The following POLQ variants were observed in gnomAD, a reference collection of about 807,000 sequenced individuals.
POLQ encodes epididymis secretory sperm binding protein.
Under a neutral mutation model 259.2 loss-of-function variants are expected in POLQ, and 233 were observed. That is an observed-to-expected ratio of 0.90 (90% CI 0.81 to 1.00). The LOEUF is 1.00. Among genes scored for constraint, POLQ ranks in the 50% least tolerant of loss-of-function variants. The pLI is 0.00. For synonymous variants in POLQ, 1,025 were observed against 1,048.8 expected (o/e 0.98, Z 0.44); for missense variants, 2,871 against 3,051.6 (o/e 0.94, Z 1.39).
intron 9 of POLQ, among the ~76,000 whole-genome samples, chr3:121,514,226 G>T (rs1399984361): frequency 2.0e-5 from 3 of 150,548 alleles, no homozygotes; most frequent in African/African-American, 4.9e-5. Context: ...TACTTGGGAG[G>T]CTGAGGCAAG....
intron 18 of POLQ, 76 bp downstream of exon 18, chr3:121,483,310 G>A: frequency 5.2e-6 from 4 of 774,138 alleles, no homozygotes; most frequent in Non-Finnish European, 7.8e-6. Context: ...TTGATGCTAA[G>A]TAAATACCAA....
chr3:121,463,058 T>C (rs1468581808), intron 24 of POLQ, among the ~76,000 whole-genome samples: 1 of 152,210 alleles, frequency 6.6e-6, no homozygotes, highest in Admixed American at 6.5e-5. Context: ...ATCAATCACA[T>C]TTTACAAAAA....
Position 121,472,401 on chromosome 3 carries a change from AT to A in POLQ, c.6544-238del, listed in dbSNP as rs201669838. Among the ~76,000 whole-genome samples, 15 of 152,338 alleles carry A rather than the reference AT, an allele frequency of 9.8e-5. No individual in the cohort carries two copies. In the East Asian group the frequency reaches 2.5e-3, roughly 25 times the overall value. On this transcript the variant is annotated intron_variant, in intron 21 of 29. Transcript: ENST00000264233. ...ATTTAAAACTACCTTTTTCAAAAAA[AT>A]AAATGAATTGTCAGTTTAACAAAGT... is the stretch of plus-strand genomic sequence containing the variant.
chr3:121,529,754 C>T lies in POLQ; in HGVS notation c.999G>A (p.Thr333=), dbSNP rs770350964. ...EDHVVSLCYE[T]ICDNHSVLLF... ...GTAATACTGAATGGTTATCACAAAT[C>T]GTCTCATAACATAAACTAACAACAT... is the stretch of plus-strand genomic sequence containing the variant. Residue 333 remains threonine, a synonymous_variant, in exon 7 of 30, where the codon ACG becomes ACA. Coordinates refer to ENST00000264233, the MANE Select transcript of POLQ (RefSeq NM_199420.4). 11 of 1,611,892 alleles carry T rather than the reference C, an allele frequency of 6.8e-6. No individual in the cohort carries two copies. Among genetic ancestry groups the T allele is most frequent in the Middle Eastern group, 1.7e-4 (1 of 6,056 alleles).
intron 7 of POLQ, among the ~76,000 whole-genome samples, chr3:121,527,124 G>A (rs752851907): frequency 8.5e-5 from 13 of 152,136 alleles, no homozygotes; most frequent in Non-Finnish European, 1.5e-4. Context: ...GCGGTGGCAC[G>A]ATCTCGGCTC....
chr3:121,448,425 T>G (rs1374351233), intron 26 of POLQ, among the ~76,000 whole-genome samples: 1 of 152,052 alleles, frequency 6.6e-6, no homozygotes, highest in Non-Finnish European at 1.5e-5. Context: ...TGGAGTGCAA[T>G]GGCGTGATCT....
chr3:121,460,181 GA>G lies in POLQ; in HGVS notation c.7020del (p.His2341IlefsTer12). The G allele has an allele frequency of 6.2e-7, 1 of 1,613,362 alleles. No homozygotes were observed. Among genetic ancestry groups the G allele is most frequent in the Non-Finnish European group, 8.5e-7 (1 of 1,179,322 alleles). On this transcript the variant is annotated frameshift_variant, in exon 25 of 30. Transcript: ENST00000264233. LOFTEE classifies it high-confidence loss of function. Reference protein sequence around the residue: ...DYSQLELRILAHLSHDRRLIQ... With the variant: ...DYSQLELRILXHLSHDRRLIQ... ...ATGAGACGACGATCATGGGATAAATGAGCCAAGATCCTCAGTTCAAGCTGAG... is the reference window on the plus strand; with the variant it reads ...ATGAGACGACGATCATGGGATAAATGGCCAAGATCCTCAGTTCAAGCTGAG...
intron 22 of POLQ, among the ~76,000 whole-genome samples, chr3:121,468,732 A>G (rs2047859442): frequency 6.6e-6 from 1 of 152,218 alleles, no homozygotes; most frequent in Non-Finnish European, 1.5e-5. Context: ...TGAGTATCAG[A>G]TTTCAGCACT....
intron 3 of POLQ, among the ~76,000 whole-genome samples, chr3:121,540,162 A>G (rs2048480577): frequency 6.6e-6 from 1 of 152,060 alleles, no homozygotes; most frequent in Non-Finnish European, 1.5e-5. Flanking sequence ...GTTACCATGT[A>G]TGACCAGCTT....
chr3:121,476,599 G>C lies in POLQ; in HGVS notation c.6346C>G (p.Gln2116Glu). ...CTGTGGCCAGCTAGTTGATAGGCCT[G>C]GGTCTCAATTGCATCCAGCTTGGCT... is the stretch of plus-strand genomic sequence containing the variant. ...MQAKLDAIET[Q>E]AYQLAGHSFS... The change falls in exon 20 of 30, where the codon CAG (glutamine) becomes GAG (glutamate). Residue 2116 changes from glutamine (Q) to glutamate (E), a missense_variant. This residue lies in a region of POLQ where 2,080 missense variants were observed against 2,126.0 expected (regional missense o/e 0.98). Coordinates refer to ENST00000264233, the MANE Select transcript of POLQ (RefSeq NM_199420.4). The C allele has an allele frequency of 6.2e-7, 1 of 1,613,884 alleles. No individual in the cohort carries two copies. The highest frequency in any genetic ancestry group is 1.7e-5 in the Admixed American group (1 of 59,976).
At chr3:121,525,202 G>A (rs1244865701) in intron 7 of POLQ, among the ~76,000 whole-genome samples, 6 of 152,036 alleles carry the variant, frequency 3.9e-5, no homozygotes, top group South Asian at 2.1e-4. Context: ...TTAGCTGGGC[G>A]TGGTGGTGGG....
Position 121,545,987 on chromosome 3 carries a change from T to G in POLQ, c.-110A>C, listed in dbSNP as rs1269589576. The G allele has an allele frequency of 7.5e-7, 1 of 1,331,488 alleles. No homozygotes were observed. Among genetic ancestry groups the G allele is most frequent in the Non-Finnish European group, 1.1e-6 (1 of 949,394 alleles). 82.5% of individuals were successfully genotyped at this position (1,331,488 alleles called of 1,614,324 possible). A position where few individuals can be genotyped will look rare whatever the true frequency, so the allele number is the denominator to read the frequency against. On this transcript the variant is annotated 5_prime_UTR_variant, in exon 1 of 30. Transcript: ENST00000264233. Reference sequence around the variant, plus strand: ...GACATCTTCCCGCCAGTCTTCAAACTCAAACCTCCCGGCCCGCCCCGGAAC... The same window carrying G: ...GACATCTTCCCGCCAGTCTTCAAACGCAAACCTCCCGGCCCGCCCCGGAAC...
intron 12 of POLQ, among the ~76,000 whole-genome samples, chr3:121,501,626 C>T (rs1361268036): frequency 4.1e-5 from 5 of 122,604 alleles, no homozygotes; most frequent in African/African-American, 1.6e-4. Flanking sequence ...CCCGCCACTG[C>T]ACTCCAGCCT....
chr3:121,449,574 G>A (rs542249599), intron 25 of POLQ, 148 bp from the exon 26 acceptor site: 2 of 634,448 alleles, frequency 3.2e-6, no homozygotes, highest in Non-Finnish European at 5.7e-6. Flanking sequence ...CATCCACAGA[G>A]ACTGATATCC....
intron 6 of POLQ, among the ~76,000 whole-genome samples, chr3:121,532,127 T>C (rs930010162): frequency 6.6e-6 from 1 of 152,214 alleles, no homozygotes; most frequent in Non-Finnish European, 1.5e-5. Flanking sequence ...AAAAATCATA[T>C]TTAATTCTTA....
intron 10 of POLQ, 152 bp from the exon 11 acceptor site, chr3:121,510,395 G>C (rs2048245815): frequency 1.7e-6 from 1 of 602,372 alleles, no homozygotes; most frequent in Admixed American, 3.0e-5. Context: ...GGTTAACACG[G>C]TGAAACCCCG....
Position 121,489,830 on chromosome 3 carries a change from T to C in POLQ, c.3101A>G (p.Lys1034Arg), listed in dbSNP as rs2048050694. Reference sequence around the variant, plus strand: ...CCAAGATCGAAAACTTCTGCTCATCTTTTCTGAATTGAAATTCAAAGGTGC... The same window carrying C: ...CCAAGATCGAAAACTTCTGCTCATCCTTTCTGAATTGAAATTCAAAGGTGC... ...KKAPLNFNSE[K>R]MSRSFRSWKR... The change falls in exon 16 of 30, where the codon AAG (lysine) becomes AGG (arginine). Residue 1034 changes from lysine to arginine, a missense_variant. Physicochemically the swap from Lys to Arg is conservative, Grantham distance 26. Around this residue, in one of 3 missense-constraint regions of POLQ, gnomAD observed 2,080 missense variants for 2,126.0 expected, o/e 0.98. Transcript: ENST00000264233. The C allele has an allele frequency of 6.2e-7, 1 of 1,611,684 alleles. No homozygotes were observed. Among genetic ancestry groups the C allele is most frequent in the African/African-American group, 1.3e-5 (1 of 74,880 alleles).
At chr3:121,494,264 C>T in intron 14 of POLQ, 1 of 1,593,048 alleles carries the variant, frequency 6.3e-7, no homozygotes, top group Non-Finnish European at 8.5e-7. Flanking sequence ...AGACCTCACC[C>T]GCTTTGTGAA....
Position 121,472,047 on chromosome 3 carries a change from T to G in POLQ, c.6661A>C (p.Asn2221His). 1.3e-6 allele frequency: 2 copies of G among 1,590,472 alleles called. No homozygotes were observed. Among genetic ancestry groups the G allele is most frequent in the Non-Finnish European group, 1.7e-6 (2 of 1,162,948 alleles). Reference sequence around the variant, plus strand: ...ATTCTTTCCATTCCAAGAAAAGGATTAAGACACTTTTCCCGCTGAAGGGGA... The same window carrying G: ...ATTCTTTCCATTCCAAGAAAAGGATGAAGACACTTTTCCCGCTGAAGGGGA... ...VFPLQREKCL[N>H]PFLGMERIYP... Residue 2221 changes from asparagine to histidine, a missense_variant, in exon 22 of 30, where the codon AAT (asparagine) becomes CAT (histidine). Transcript: ENST00000264233.
Sources: allele counts gnomAD v4.1 joint callset (sites outside exome capture counted in the v4.1 genomes callset), GRCh38; gene constraint gnomAD v4.1.1; regional missense constraint gnomAD v4.1.1; transcripts MANE v1.5; gene names NCBI Gene and HGNC (gene_info 2026-07-23, HGNC 2026-07-21).